Variants in ATP8A1 observed in about 807,000 individuals in gnomAD.
ATP8A1 encodes ATPase phospholipid transporting 8A1.
A neutral mutation model predicts 177.7 loss-of-function variants in ATP8A1; 90 were observed. That is an observed-to-expected ratio of 0.51 (90% CI 0.43 to 0.60). The LOEUF (loss-of-function observed/expected upper bound fraction) is 0.60. ATP8A1 is among the 20% of genes least tolerant of loss of function. The pLI is 0.00. For missense variants in ATP8A1, 1,072 were observed against 1,392.8 expected (o/e 0.77, Z 3.67); for synonymous variants, 493 against 485.9 (o/e 1.01, Z -0.19).
intron 25 of ATP8A1, among the ~76,000 whole-genome samples, chr4:42,468,466 C>CACAT (rs2153184306): frequency 6.6e-6 from 1 of 151,790 alleles, no homozygotes; most frequent in African/African-American, 2.4e-5. Context: ...CACACACATA[C>CACAT]ACATATATGA....
chr4:42,636,156 A>ACACACACGCGCGTGCGCGCG (rs565139270), intron 1 of ATP8A1, among the ~76,000 whole-genome samples: 1 of 90,898 alleles, frequency 1.1e-5, no homozygotes, highest in Non-Finnish European at 2.6e-5. Context: ...ACACACACAC[A>ACACACACGCGCGTGCGCGCG]CGCACACACA....
chr4:42,538,158 A>C (rs189967150), intron 20 of ATP8A1, among the ~76,000 whole-genome samples: 4 of 152,274 alleles, frequency 2.6e-5, no homozygotes. Flanking sequence ...ACAAAAACAT[A>C]AAGTGGGGAA....
intron 6 of ATP8A1, among the ~76,000 whole-genome samples, chr4:42,593,507 A>T (rs2109376029): frequency 6.6e-6 from 1 of 152,178 alleles, no homozygotes; most frequent in East Asian, 1.9e-4. Context: ...TCATGAATCA[A>T]ATCACTTTAA....
intron 1 of ATP8A1, among the ~76,000 whole-genome samples, chr4:42,636,009 T>G (rs1380771431): frequency 6.6e-6 from 1 of 151,270 alleles, no homozygotes; most frequent in East Asian, 1.9e-4. Flanking sequence ...TGGCTTAGCA[T>G]GGGCCATGTG....
intron 5 of ATP8A1, among the ~76,000 whole-genome samples, chr4:42,607,056 T>C (rs951119254): frequency 6.6e-6 from 1 of 152,212 alleles, no homozygotes; most frequent in African/African-American, 2.4e-5. Context: ...CTACACTGGG[T>C]TGGAATCCTA....
Position 42,459,498 on chromosome 4 carries a change from CTG to C in ATP8A1, c.2620-3901_2620-3900del, listed in dbSNP as rs774160685. 1.8e-3 allele frequency: 615 copies of C among 344,424 alleles called. 1 individual carries two copies. Among genetic ancestry groups the C allele is most frequent in the African/African-American group, 2.9e-3 (136 of 46,342 alleles). The allele number at this position is 344,424 out of a possible 1,614,324, so 21.3% of individuals were successfully genotyped here. On this transcript the variant is annotated intron_variant, in intron 27 of 36. Coordinates refer to ENST00000381668, the MANE Select transcript of ATP8A1 (RefSeq NM_006095.2). Reference sequence around the variant, plus strand: ...ATCTTGATAAATCTATGTAAATAAACTGTATAAATTGTTATTTGCTTGAATGT... The same window carrying C: ...ATCTTGATAAATCTATGTAAATAAACTATAAATTGTTATTTGCTTGAATGT...
At chr4:42,449,596 C>T (rs916424135) in intron 30 of ATP8A1, among the ~76,000 whole-genome samples, 21 of 152,158 alleles carry the variant, frequency 1.4e-4, no homozygotes, top group African/African-American at 5.1e-4. Context: ...CTAAAACATT[C>T]CTTATTTAAA....
intron 13 of ATP8A1, 132 bp downstream of exon 13, chr4:42,575,490 A>G: frequency 5.7e-6 from 4 of 700,268 alleles, no homozygotes; most frequent in Admixed American, 2.5e-5. Flanking sequence ...TTCATCATGC[A>G]CTAACAAATA....
intron 35 of ATP8A1, among the ~76,000 whole-genome samples, chr4:42,420,010 A>C (rs1476977006): frequency 7.8e-6 from 1 of 127,660 alleles, no homozygotes; most frequent in East Asian, 2.0e-4. Flanking sequence ...CTCAAAAAAA[A>C]ACAAACAAAC....
Position 42,586,416 on chromosome 4 carries a change from T to C in ATP8A1, c.655A>G (p.Ile219Val). 6.2e-7 allele frequency: 1 copy of C among 1,614,144 alleles called. No individual in the cohort carries two copies. The change falls in exon 9 of 37, where the codon ATT (isoleucine) becomes GTT (valine). Residue 219 changes from isoleucine to valine, a missense_variant. By Grantham distance (29) the Ile-to-Val change is conservative (BLOSUM62 3). Around this residue, in one of 5 missense-constraint regions of ATP8A1, gnomAD observed 344 missense variants for 393.5 expected, o/e 0.87. Transcript: ENST00000381668. ...TGTCTGTTTGGACTTTCACACTCAATTCTGCCAGAAATCCTCATCAAACTG... is the reference window on the plus strand; with the variant it reads ...TGTCTGTTTGGACTTTCACACTCAACTCTGCCAGAAATCCTCATCAAACTG... The part of the protein sequence containing the change: ...VDSLMRISGR[I>V]ECESPNRHLY...
chr4:42,636,151 C>G (rs1235695536), intron 1 of ATP8A1, among the ~76,000 whole-genome samples: 1 of 43,194 alleles, frequency 2.3e-5, no homozygotes, highest in African/African-American at 7.3e-5. Context: ...CACACACACA[C>G]ACACACGCAC....
intron 19 of ATP8A1, among the ~76,000 whole-genome samples, chr4:42,545,159 C>CAA (rs150594728): frequency 5.4e-4 from 45 of 83,628 alleles, no homozygotes; most frequent in South Asian, 2.0e-3. Context: ...GACTCCGTCT[C>CAA]AAAAAAAAAA....
At chr4:42,631,610 A>G (rs1241800643) in intron 1 of ATP8A1, among the ~76,000 whole-genome samples, 3 of 152,230 alleles carry the variant, frequency 2.0e-5, no homozygotes, top group Non-Finnish European at 2.9e-5. Context: ...TGAGGCCATG[A>G]TACTTCAAGT....
At chr4:42,635,292 T>C (rs1053514494) in intron 1 of ATP8A1, among the ~76,000 whole-genome samples, 1 of 151,958 alleles carries the variant, frequency 6.6e-6, no homozygotes, top group African/African-American at 2.4e-5. Context: ...AACCACTAAG[T>C]TTTTTGCAGA....
intron 25 of ATP8A1, among the ~76,000 whole-genome samples, chr4:42,470,011 G>A (rs2153184750): frequency 6.6e-6 from 1 of 152,312 alleles, no homozygotes; most frequent in East Asian, 1.9e-4. Context: ...TTTCTTCCCT[G>A]AGATTGTTTT....
At chr4:42,421,164 T>C (rs1205777519) in intron 35 of ATP8A1, among the ~76,000 whole-genome samples, 4 of 152,144 alleles carry the variant, frequency 2.6e-5, no homozygotes, top group Non-Finnish European at 5.9e-5. Context: ...TACTTTCCTA[T>C]GAGGAATCCT....
In ATP8A1 at chr4:42,569,206, CT is replaced by C. The variant is rs748088532; in HGVS notation, c.1296-2del. 3 of 1,605,116 alleles carry C rather than the reference CT, an allele frequency of 1.9e-6. No individual in the cohort carries two copies. The highest frequency in any genetic ancestry group is 2.6e-6 in the Non-Finnish European group (3 of 1,175,422). ...ATAATCCTCAGGTTCAGGGACATGGCTTCAGAAAGCAAGAAGAGAGGCAGAA... is the reference window on the plus strand; with the variant it reads ...ATAATCCTCAGGTTCAGGGACATGGCTCAGAAAGCAAGAAGAGAGGCAGAA... On this transcript the variant is annotated splice_acceptor_variant, in intron 14 of 36. Transcript: ENST00000381668. LOFTEE classifies it high-confidence loss of function.
chr4:42,597,963 G>A (rs1337090274), intron 6 of ATP8A1, among the ~76,000 whole-genome samples: 4 of 152,016 alleles, frequency 2.6e-5, no homozygotes, highest in Non-Finnish European at 4.4e-5. Flanking sequence ...CTGGTTTACT[G>A]TCAAGTTTTC....
chr4:42,470,017 GT>G (rs1328323463), intron 25 of ATP8A1, among the ~76,000 whole-genome samples: 1 of 152,140 alleles, frequency 6.6e-6, no homozygotes, highest in Non-Finnish European at 1.5e-5. Context: ...CCCTGAGATT[GT>G]TTTATTTTAA....
Sources: gnomAD v4.1 joint callset for allele counts (sites outside exome capture counted in the v4.1 genomes callset) on GRCh38, gnomAD v4.1.1 for gene constraint, gnomAD v4.1.1 regional missense constraint, MANE v1.5 for transcripts, NCBI Gene and HGNC (gene_info 2026-07-23, HGNC 2026-07-21) for gene names.